LARGE1: variants seen among roughly 807,000 people sequenced by gnomAD.
The protein encoded by LARGE1 is LARGE xylosyl- and glucuronyltransferase 1.
Under a neutral mutation model 87.6 loss-of-function variants are expected in LARGE1, and 43 were observed. The observed-to-expected ratio is 0.49, with a 90% confidence interval of 0.38 to 0.63. The LOEUF is 0.63. Ranked by LOEUF, LARGE1 falls within the 30% of genes least tolerant of loss-of-function variation. The pLI, the probability that LARGE1 is intolerant of heterozygous loss-of-function variation, is 0.00. For missense variants in LARGE1, 802 were observed against 1,000.2 expected, an observed-to-expected ratio of 0.80 and a Z score of 2.67; for synonymous variants, 434 against 394.6, an observed-to-expected ratio of 1.10 and a Z score of -1.18.
chr22:33,172,984 A>T (rs1922659104), intron 11 of LARGE1, among the ~76,000 whole-genome samples: 1 of 152,240 alleles, frequency 6.6e-6, no homozygotes, highest in Non-Finnish European at 1.5e-5. Context: ...ACAGGCCAAC[A>T]TTCAAATTCA....
chr22:33,461,600 C>A (rs2068384672), intron 6 of LARGE1, among the ~76,000 whole-genome samples: 1 of 146,120 alleles, frequency 6.8e-6, no homozygotes, highest in Non-Finnish European at 1.5e-5. Flanking sequence ...CATGTATACA[C>A]ATGTAACAAA....
intron 3 of LARGE1, among the ~76,000 whole-genome samples, chr22:33,643,762 C>A (rs1416114154): frequency 6.6e-6 from 1 of 152,102 alleles, no homozygotes. Context: ...TACAAACTAC[C>A]ATCAGAGAAT....
chr22:33,427,126 TTTG>T (rs1478249329), intron 7 of LARGE1, among the ~76,000 whole-genome samples: 2 of 152,224 alleles, frequency 1.3e-5, no homozygotes, highest in Non-Finnish European at 1.5e-5. Flanking sequence ...TAGGTGTATT[TTTG>T]TTGTTGTTTT....
At chr22:33,446,222 A>G (rs1445156592) in intron 6 of LARGE1, among the ~76,000 whole-genome samples, 1 of 152,182 alleles carries the variant, frequency 6.6e-6, no homozygotes, top group African/African-American at 2.4e-5. Flanking sequence ...GTATGTCTGG[A>G]AAAGGTATGG....
intron 2 of LARGE1, among the ~76,000 whole-genome samples, chr22:33,663,055 A>T (rs240347): frequency 6.6e-6 from 1 of 151,996 alleles, no homozygotes; most frequent in African/African-American, 2.4e-5. Context: ...AAATGAAAAA[A>T]AAAATCACCT....
intron 9 of LARGE1, among the ~76,000 whole-genome samples, chr22:33,341,129 A>G (rs1187510141): frequency 6.6e-6 from 1 of 151,996 alleles, no homozygotes; most frequent in Non-Finnish European, 1.5e-5. Context: ...GATCTTCGAG[A>G]AGTCATTAGG....
intron 1 of LARGE1, among the ~76,000 whole-genome samples, chr22:33,868,199 A>G (rs2064164493): frequency 6.6e-6 from 1 of 152,206 alleles, no homozygotes; most frequent in Non-Finnish European, 1.5e-5. Flanking sequence ...TCACATGTGC[A>G]TGGGTGTGTG....
At chr22:33,624,620 T>C (rs1157693341) in intron 4 of LARGE1, among the ~76,000 whole-genome samples, 1 of 151,716 alleles carries the variant, frequency 6.6e-6, no homozygotes, top group African/African-American at 2.4e-5. Context: ...GCTGCTGGAG[T>C]GCAAAGTCAA....
chr22:33,702,091 G>A (rs990937949), intron 2 of LARGE1, among the ~76,000 whole-genome samples: 2 of 152,204 alleles, frequency 1.3e-5, no homozygotes, highest in African/African-American at 2.4e-5. Flanking sequence ...ATTTCACAGA[G>A]TTGTTCCAAA....
chr22:33,663,232 T>A (rs946384196), intron 2 of LARGE1, among the ~76,000 whole-genome samples: 2 of 152,174 alleles, frequency 1.3e-5, no homozygotes, highest in African/African-American at 4.8e-5. Flanking sequence ...TTGGCAAAGA[T>A]AACATGTTAC....
At chr22:33,307,262 C>G (rs1177000999) in intron 11 of LARGE1, among the ~76,000 whole-genome samples, 2 of 152,164 alleles carry the variant, frequency 1.3e-5, no homozygotes, top group Non-Finnish European at 2.9e-5. Flanking sequence ...CTCTTACAGG[C>G]AAGGAAGCTT....
intron 3 of LARGE1, among the ~76,000 whole-genome samples, chr22:33,626,846 G>C (rs1202777917): frequency 6.6e-6 from 1 of 152,182 alleles, no homozygotes; most frequent in African/African-American, 2.4e-5. Context: ...CGGAAGACTG[G>C]CAGAATTGAA....
intron 1 of LARGE1, among the ~76,000 whole-genome samples, chr22:33,771,347 T>C (rs2145816770): frequency 6.6e-6 from 1 of 152,150 alleles, no homozygotes; most frequent in South Asian, 2.1e-4. Flanking sequence ...TCTTCACAGC[T>C]TTATGTGTGA....
intron 7 of LARGE1, among the ~76,000 whole-genome samples, chr22:33,404,968 G>A (rs2066047250): frequency 6.6e-6 from 1 of 152,216 alleles, no homozygotes; most frequent in Admixed American, 6.5e-5. Context: ...GAGGCTCCCA[G>A]TTCGAAGGAC....
chr22:33,554,697 A>C (rs2077625340), intron 6 of LARGE1, among the ~76,000 whole-genome samples: 1 of 152,148 alleles, frequency 6.6e-6, no homozygotes, highest in South Asian at 2.1e-4. Context: ...CGCACTTTTT[A>C]TATCACCCCC....
chr22:33,485,412 C>T (rs2069532670), intron 6 of LARGE1, among the ~76,000 whole-genome samples: 1 of 151,644 alleles, frequency 6.6e-6, no homozygotes. Flanking sequence ...CCGGGTTTCA[C>T]CATGTTGGTC....
chr22:33,865,013 C>A (rs563802593), intron 1 of LARGE1, among the ~76,000 whole-genome samples: 1 of 152,198 alleles, frequency 6.6e-6, no homozygotes, highest in African/African-American at 2.4e-5. Flanking sequence ...GAGTCACAGC[C>A]GTGGGTGTCA....
chr22:33,170,887 C>G (rs995744538), intron 11 of LARGE1, among the ~76,000 whole-genome samples: 14 of 152,112 alleles, frequency 9.2e-5, no homozygotes, highest in Admixed American at 6.6e-4. Flanking sequence ...GCGGTTGGAA[C>G]AGTTAGGAGG....
intron 5 of LARGE1, among the ~76,000 whole-genome samples, chr22:33,601,421 A>G (rs2079109687): frequency 6.6e-6 from 1 of 152,122 alleles, no homozygotes; most frequent in South Asian, 2.1e-4. Flanking sequence ...ATGCCACTAC[A>G]GAGGGGCTGT....
Sources: allele counts gnomAD v4.1 joint callset (sites outside exome capture counted in the v4.1 genomes callset), GRCh38; gene constraint gnomAD v4.1.1; transcripts MANE v1.5; gene names NCBI Gene and HGNC (gene_info 2026-07-23, HGNC 2026-07-21).